Variants in PIGU observed in about 807,000 individuals in gnomAD.
PIGU encodes GPI-anchor transamidase component PIGU.
A neutral mutation model predicts 49.9 loss-of-function variants in PIGU; 24 were observed. The ratio of observed to expected loss-of-function variants is 0.48; its 90% CI spans 0.35 to 0.68. The LOEUF is 0.68. Among genes scored for constraint, PIGU ranks in the 30% least tolerant of loss-of-function variants. PIGU has a pLI of 0.01. For synonymous variants in PIGU, 220 were observed against 205.7 expected, an observed-to-expected ratio of 1.07 and a Z score of -0.59; for missense variants, 490 against 532.6, an observed-to-expected ratio of 0.92 and a Z score of 0.79.
At chr20:34,621,757 C>T (rs745963775) in intron 6 of PIGU, among the ~76,000 whole-genome samples, 4 of 152,188 alleles carry the variant, frequency 2.6e-5, no homozygotes, top group Non-Finnish European at 5.9e-5. Context: ...ACAAACTGTG[C>T]AATAAGCAAA....
chr20:34,674,205 A>T (rs574452091), intron 1 of PIGU, among the ~76,000 whole-genome samples: 1 of 151,884 alleles, frequency 6.6e-6, no homozygotes, highest in Non-Finnish European at 1.5e-5. Context: ...AAATACAAAA[A>T]TTAGCTGGGC....
intron 10 of PIGU, among the ~76,000 whole-genome samples, chr20:34,577,989 C>T (rs1005695982): frequency 2.3e-4 from 35 of 152,152 alleles, no homozygotes; most frequent in African/African-American, 7.5e-4. Context: ...TTTCAAGTTA[C>T]AGTTCATTCT....
intron 2 of PIGU, among the ~76,000 whole-genome samples, chr20:34,648,581 C>T (rs1986428384): frequency 6.6e-6 from 1 of 152,156 alleles, no homozygotes; most frequent in African/African-American, 2.4e-5. Context: ...CAAAGTCTCA[C>T]TCTGTCGGCC....
chr20:34,637,358 T>C (rs1986000500), intron 5 of PIGU, among the ~76,000 whole-genome samples: 1 of 152,220 alleles, frequency 6.6e-6, no homozygotes, highest in Non-Finnish European at 1.5e-5. Context: ...AGAGTACAAC[T>C]TAATGGTAGC....
At chr20:34,674,629 A>G (rs1987434248) in intron 1 of PIGU, among the ~76,000 whole-genome samples, 1 of 152,090 alleles carries the variant, frequency 6.6e-6, no homozygotes, top group Non-Finnish European at 1.5e-5. Context: ...CAAGGAGCTC[A>G]TAATATAGTG....
intron 7 of PIGU, among the ~76,000 whole-genome samples, chr20:34,610,620 G>T (rs1984778379): frequency 6.6e-6 from 1 of 152,114 alleles, no homozygotes; most frequent in Non-Finnish European, 1.5e-5. Context: ...CATGAAAATG[G>T]TCATACTGCC....
At chr20:34,561,701 G>C (rs1489826752) in intron 11 of PIGU, among the ~76,000 whole-genome samples, 1 of 151,970 alleles carries the variant, frequency 6.6e-6, no homozygotes, top group Non-Finnish European at 1.5e-5. Context: ...GAACTCCCTC[G>C]TGCTCTGAGA....
In PIGU at chr20:34,590,638, C is replaced by T. The variant is rs200745091; in HGVS notation, c.628-2031G>A. Among the ~76,000 whole-genome samples, 427 of 116,074 alleles carry T rather than the reference C, an allele frequency of 3.7e-3. 3 individuals carry two copies. The highest frequency in any genetic ancestry group is 6.9e-3 in the Admixed American group (87 of 12,550). 76.1% of individuals were successfully genotyped at this position (116,074 alleles called of 152,430 possible). A position where few individuals can be genotyped will look rare whatever the true frequency, so the allele number is the denominator to read the frequency against. On this transcript the variant is annotated intron_variant, in intron 7 of 11. Transcript: ENST00000217446. ...TAACATAACATAACATAACATAACACAACAACAAAATAAAATAACATAAAT... is the reference window on the plus strand; with the variant it reads ...TAACATAACATAACATAACATAACATAACAACAAAATAAAATAACATAAAT...
At chr20:34,616,189 T>C in intron 6 of PIGU, 50 bp from the exon 7 acceptor site, 1 of 1,589,452 alleles carries the variant, frequency 6.3e-7, no homozygotes, top group Non-Finnish European at 8.6e-7. Context: ...TCAATCATGA[T>C]TAGACTCAGC....
intron 11 of PIGU, among the ~76,000 whole-genome samples, chr20:34,570,729 A>G (rs991505482): frequency 1.3e-5 from 2 of 152,138 alleles, no homozygotes; most frequent in African/African-American, 4.8e-5. Context: ...ATTTTAGGAG[A>G]AGATTTTCTT....
At chr20:34,591,575 G>A (rs552514635) in intron 7 of PIGU, among the ~76,000 whole-genome samples, 2 of 152,016 alleles carry the variant, frequency 1.3e-5, no homozygotes, top group South Asian at 2.1e-4. Flanking sequence ...AATCTCTGAC[G>A]ATAATGGAAT....
chr20:34,650,960 AGCCTCG>A (rs1446739821), intron 2 of PIGU, among the ~76,000 whole-genome samples: 2 of 150,968 alleles, frequency 1.3e-5, no homozygotes, highest in East Asian at 3.9e-4. Flanking sequence ...GTGATCCGCC[AGCCTCG>A]GCCTCCCAAA....
intron 3 of PIGU, 149 bp from the exon 4 acceptor site, chr20:34,644,375 T>A: frequency 1.7e-6 from 1 of 594,360 alleles, no homozygotes; most frequent in Non-Finnish European, 3.0e-6. Context: ...TCACTTTGAC[T>A]ACCCAAAGAT....
intron 9 of PIGU, among the ~76,000 whole-genome samples, chr20:34,584,097 C>G (rs190855506): frequency 6.6e-6 from 1 of 152,122 alleles, no homozygotes; most frequent in Non-Finnish European, 1.5e-5. Flanking sequence ...GATTCTGGAG[C>G]CAGACAAACC....
intron 3 of PIGU, among the ~76,000 whole-genome samples, chr20:34,645,046 GT>G (rs1568656034): frequency 6.6e-6 from 1 of 150,968 alleles, no homozygotes; most frequent in South Asian, 2.1e-4. Context: ...TTTGTTTTTT[GT>G]TTTTTTCTTA....
intron 1 of PIGU, among the ~76,000 whole-genome samples, chr20:34,663,987 C>A (rs1156822743): frequency 6.6e-6 from 1 of 152,182 alleles, no homozygotes; most frequent in African/African-American, 2.4e-5. Flanking sequence ...TGTAATTCAT[C>A]TCAGATATGC....
intron 1 of PIGU, among the ~76,000 whole-genome samples, chr20:34,660,048 T>TAAAAA (rs1555803430): frequency 9.1e-4 from 37 of 40,508 alleles, no homozygotes; most frequent in South Asian, 1.5e-3. Flanking sequence ...GAATGATCAA[T>TAAAAA]AAAAAAAAAA....
intron 11 of PIGU, among the ~76,000 whole-genome samples, chr20:34,566,701 A>G (rs1320215053): frequency 6.6e-6 from 1 of 152,142 alleles, no homozygotes; most frequent in East Asian, 1.9e-4. Context: ...TGGGCCCTGC[A>G]AAAGGTCACA....
intron 10 of PIGU, among the ~76,000 whole-genome samples, chr20:34,580,485 C>T (rs529223346): frequency 6.6e-6 from 1 of 152,334 alleles, no homozygotes; most frequent in East Asian, 1.9e-4. Context: ...AGTTTCACTT[C>T]CTGGTTGACA....
Sources: gnomAD v4.1 joint callset for allele counts (sites outside exome capture counted in the v4.1 genomes callset) on GRCh38, gnomAD v4.1.1 for gene constraint, MANE v1.5 for transcripts, NCBI Gene and HGNC (gene_info 2026-07-23, HGNC 2026-07-21) for gene names.